The following ZNF638 variants were observed in gnomAD, a reference collection of about 807,000 sequenced individuals.
ZNF638 encodes zinc finger protein 638, also known as CTCL tumor antigen se33-1.
In ZNF638, 46 loss-of-function variants were observed where a neutral mutation model predicts 195.6. The ratio of observed to expected loss-of-function variants is 0.24; its 90% confidence interval spans 0.19 to 0.30. ZNF638 has a LOEUF of 0.30. Among genes scored for constraint, ZNF638 ranks in the 10% least tolerant of loss-of-function variants. The probability of loss-of-function intolerance (pLI) is 1.00; values close to 1 mark genes in which losing one functional copy is unlikely to be tolerated. For missense variants in ZNF638, 2,440 were observed against 2,325.3 expected, an observed-to-expected ratio of 1.05 and a Z score of -1.01; for synonymous variants, 845 against 772.0, an observed-to-expected ratio of 1.09 and a Z score of -1.57.
At chr2:71,363,855 G>GT in intron 4 of ZNF638, 99 bp from the exon 5 acceptor site, 1 of 1,394,922 alleles carries the variant, frequency 7.2e-7, no homozygotes, top group Non-Finnish European at 9.5e-7. Flanking sequence ...GTTTGGTATT[G>GT]TTAACAGTCT....
rs773435714 is a variant in ZNF638, at chr2:71,364,052, G to T, written c.1517G>T (p.Arg506Leu). The T allele has an allele frequency of 1.2e-6, 2 of 1,614,012 alleles. No homozygotes were observed. Among genetic ancestry groups the T allele is most frequent in the African/African-American group, 2.7e-5 (2 of 74,902 alleles). The change falls in exon 5 of 28, where the codon CGT (arginine) becomes CTT (leucine). Residue 506 changes from arginine (R) to leucine (L), a missense_variant. This residue lies in a region of ZNF638 where 1,883 missense variants were observed against 1,739.1 expected (regional missense o/e 1.08). Coordinates refer to ENST00000264447, the MANE Select transcript of ZNF638 (RefSeq NM_014497.5). ...AGATCAAGCTCAAGTCACAGATTCCGTCGGTCTCGAAGCCCAATGCATTAC... is the reference window on the plus strand; with the variant it reads ...AGATCAAGCTCAAGTCACAGATTCCTTCGGTCTCGAAGCCCAATGCATTAC... ...SRRSSSSHRFRRSRSPMHYMY... is the reference protein window; with the variant it reads ...SRRSSSSHRFLRSRSPMHYMY...
At chr2:71,433,118 G>T in intron 26 of ZNF638, 47 bp from the exon 27 acceptor site, 1 of 1,316,670 alleles carries the variant, frequency 7.6e-7, no homozygotes, top group South Asian at 1.2e-5. Context: ...AACACAACTG[G>T]AGATTAATTA....
chr2:71,429,312 A>G (rs559318764), intron 25 of ZNF638, among the ~76,000 whole-genome samples: 55 of 152,284 alleles, frequency 3.6e-4, no homozygotes, highest in Non-Finnish European at 6.6e-4. Context: ...CTTACCAAGT[A>G]TGATTTGGTC....
intron 5 of ZNF638, 82 bp from the exon 6 acceptor site, chr2:71,365,347 A>G: frequency 8.7e-7 from 1 of 1,155,654 alleles, no homozygotes; most frequent in East Asian, 2.6e-5. Flanking sequence ...TAGCTTGAGA[A>G]TAGCACTATG....
chr2:71,358,742 G>A (rs1296661202), intron 3 of ZNF638, among the ~76,000 whole-genome samples: 1 of 151,954 alleles, frequency 6.6e-6, no homozygotes, highest in East Asian at 1.9e-4. Context: ...GCAGATCCAG[G>A]GCCTCCCTCT....
chr2:71,384,243 A>AT, intron 10 of ZNF638, among the ~76,000 whole-genome samples: 1 of 152,182 alleles, frequency 6.6e-6, no homozygotes. Context: ...ACTTTGGAAG[A>AT]TAGCCTCCTG....
At chr2:71,432,664 A>G (rs1477251829) in intron 26 of ZNF638, among the ~76,000 whole-genome samples, 1 of 152,012 alleles carries the variant, frequency 6.6e-6, no homozygotes, top group Non-Finnish European at 1.5e-5. Flanking sequence ...CTGGAATAGT[A>G]TAGAATGTGT....
intron 10 of ZNF638, among the ~76,000 whole-genome samples, chr2:71,382,992 T>C (rs1014799360): frequency 3.3e-5 from 5 of 152,188 alleles, no homozygotes; most frequent in Non-Finnish European, 7.3e-5. Context: ...TATATTTATG[T>C]TATTTTGTTT....
intron 21 of ZNF638, among the ~76,000 whole-genome samples, chr2:71,419,473 T>C (rs528764307): frequency 2.0e-5 from 3 of 152,338 alleles, no homozygotes; most frequent in African/African-American, 7.2e-5. Flanking sequence ...ACAGAACGTC[T>C]TAGCGGATTT....
intron 17 of ZNF638, among the ~76,000 whole-genome samples, chr2:71,405,164 T>A (rs2080082121): frequency 6.6e-6 from 1 of 152,230 alleles, no homozygotes; most frequent in Non-Finnish European, 1.5e-5. Flanking sequence ...TTCCCTGATG[T>A]TCTTGGCCTC....
rs1448885327 is a variant in ZNF638, at chr2:71,387,141, TAAAGA to T, written c.2377+6580_2377+6584del. Among the ~76,000 whole-genome samples, 3 of 152,116 alleles carry T rather than the reference TAAAGA, an allele frequency of 2.0e-5. No homozygotes were observed. In the East Asian group the frequency reaches 5.8e-4, roughly 29 times the overall value. On this transcript the variant is annotated intron_variant, in intron 10 of 27. Coordinates refer to ENST00000264447, the MANE Select transcript of ZNF638 (RefSeq NM_014497.5). ...TAGAAGAATAGGCAGGACAGTTCTT[TAAAGA>T]AAACAATGAAAACAGACTATCCACA...
chr2:71,371,637 ATG>A (rs1239379154), intron 8 of ZNF638, among the ~76,000 whole-genome samples: 1 of 149,514 alleles, frequency 6.7e-6, no homozygotes, highest in Admixed American at 6.7e-5. Flanking sequence ...TTTGCCATTT[ATG>A]TGTTGTCTTT....
chr2:71,347,348 A>G (rs2078867541), intron 1 of ZNF638, among the ~76,000 whole-genome samples: 1 of 152,196 alleles, frequency 6.6e-6, no homozygotes, highest in Non-Finnish European at 1.5e-5. Context: ...GCAAAGGTTA[A>G]ATGTGGTGGC....
chr2:71,370,972 C>T (rs1233622489), intron 8 of ZNF638, among the ~76,000 whole-genome samples: 1 of 151,984 alleles, frequency 6.6e-6, no homozygotes, highest in African/African-American at 2.4e-5. Context: ...CCTCCTCTAC[C>T]CCCTGTTACC....
intron 8 of ZNF638, among the ~76,000 whole-genome samples, chr2:71,372,951 A>G (rs2079341430): frequency 6.6e-6 from 1 of 151,986 alleles, no homozygotes; most frequent in Admixed American, 6.5e-5. Flanking sequence ...TTCTAGAAAC[A>G]GAACTTTAGT....
intron 25 of ZNF638, among the ~76,000 whole-genome samples, chr2:71,430,758 G>C (rs11695506): frequency 0.22 from 33,661 of 152,086 alleles, 4,595 homozygotes; most frequent in African/African-American, 0.38. Flanking sequence ...AATCAGAATT[G>C]CTTGGAATCA....
At chr2:71,410,233 G>A (rs545904970) in intron 20 of ZNF638, among the ~76,000 whole-genome samples, 92 of 152,304 alleles carry the variant, frequency 6.0e-4, no homozygotes, top group African/African-American at 2.1e-3. Flanking sequence ...CTGGGCTGGA[G>A]TGCCATGGTT....
intron 10 of ZNF638, among the ~76,000 whole-genome samples, chr2:71,382,371 A>G (rs1046242615): frequency 1.3e-5 from 2 of 152,216 alleles, no homozygotes; most frequent in Non-Finnish European, 2.9e-5. Flanking sequence ...AAATGTAGAA[A>G]GAAAAAGGAG....
intron 10 of ZNF638, 169 bp downstream of exon 10, chr2:71,380,734 A>G (rs2079521498): frequency 4.2e-6 from 2 of 472,770 alleles, no homozygotes; most frequent in Non-Finnish European, 7.4e-6. Flanking sequence ...AATGCTGTGT[A>G]ATTACAGAAT....
Sources: allele counts gnomAD v4.1 joint callset (sites outside exome capture counted in the v4.1 genomes callset), GRCh38; gene constraint gnomAD v4.1.1; regional missense constraint gnomAD v4.1.1; transcripts MANE v1.5; gene names NCBI Gene and HGNC (gene_info 2026-07-23, HGNC 2026-07-21).